The following RANBP2 variants were observed in gnomAD, a reference collection of about 807,000 sequenced individuals.
The protein encoded by RANBP2 is E3 SUMO-protein ligase RanBP2.
A neutral mutation model predicts 303.6 loss-of-function variants in RANBP2; 57 were observed. The observed-to-expected ratio is 0.19, with a 90% CI of 0.15 to 0.23. The LOEUF is 0.23. Among genes scored for constraint, RANBP2 ranks in the 10% least tolerant of loss-of-function variants. RANBP2 has a pLI of 1.00. For synonymous variants in RANBP2, 1,167 were observed against 1,301.5 expected (o/e 0.90, Z 2.23); for missense variants, 3,138 against 3,780.8 (o/e 0.83, Z 4.46).
At chr2:109,287,662 C>G in the RANBP2 span, among the ~76,000 whole-genome samples, 1 of 152,118 alleles carries the variant, frequency 6.6e-6, no homozygotes, top group Admixed American at 6.5e-5. Flanking sequence ...TCAGGGTGTT[C>G]CCCTTCTGGG....
At chr2:109,410,153 C>T in the RANBP2 span, among the ~76,000 whole-genome samples, 1 of 152,186 alleles carries the variant, frequency 6.6e-6, no homozygotes, top group Non-Finnish European at 1.5e-5. Context: ...TACAACCTGG[C>T]GGTTTAGAAT....
the RANBP2 span, among the ~76,000 whole-genome samples, chr2:109,454,842 T>C: frequency 1.2e-4 from 19 of 152,028 alleles, no homozygotes; most frequent in East Asian, 3.8e-4. Context: ...CTGGTGATGA[T>C]TGTAGACTAA....
the RANBP2 span, among the ~76,000 whole-genome samples, chr2:109,365,070 A>G: frequency 0.029 from 4,391 of 152,124 alleles, 158 homozygotes; most frequent in African/African-American, 0.089. Flanking sequence ...AAACAAACAA[A>G]CAAACAAAAC....
At chr2:109,555,166 TCAC>T in the RANBP2 span, among the ~76,000 whole-genome samples, 1 of 152,218 alleles carries the variant, frequency 6.6e-6, no homozygotes, top group African/African-American at 2.4e-5. Flanking sequence ...TTATCTTTTC[TCAC>T]CACATTAAAG....
the RANBP2 span, among the ~76,000 whole-genome samples, chr2:109,526,400 G>A: frequency 6.6e-6 from 1 of 152,122 alleles, no homozygotes; most frequent in Admixed American, 6.6e-5. Context: ...CTCCACCTCT[G>A]GGGTTCAAGC....
the RANBP2 span, among the ~76,000 whole-genome samples, chr2:108,898,553 C>T: frequency 2.6e-5 from 4 of 152,114 alleles, no homozygotes; most frequent in African/African-American, 9.7e-5. Context: ...TGAATTCACT[C>T]ATCATACCAA....
chr2:109,147,497 A>G, the RANBP2 span, among the ~76,000 whole-genome samples: 2 of 152,200 alleles, frequency 1.3e-5, no homozygotes, highest in Non-Finnish European at 2.9e-5. Flanking sequence ...AACAGATCTG[A>G]TAAGAAGCCC....
chr2:109,677,920 A>G, the RANBP2 span, among the ~76,000 whole-genome samples: 38 of 152,346 alleles, frequency 2.5e-4, no homozygotes, highest in African/African-American at 8.2e-4. Context: ...GTTCCTGGTA[A>G]GGGGATTTGT....
the RANBP2 span, among the ~76,000 whole-genome samples, chr2:108,874,065 A>T: frequency 6.6e-6 from 1 of 152,210 alleles, no homozygotes; most frequent in East Asian, 1.9e-4. Context: ...AATGAACTTT[A>T]AATGCTTCAT....
At chr2:108,815,802 T>G in the RANBP2 span, 1 of 700,510 alleles carries the variant, frequency 1.4e-6, no homozygotes, top group East Asian at 3.0e-5. Flanking sequence ...TTTTGTTTGT[T>G]TGGAGAAGCT....
the RANBP2 span, among the ~76,000 whole-genome samples, chr2:109,186,405 G>A: frequency 6.6e-6 from 1 of 152,244 alleles, no homozygotes; most frequent in Non-Finnish European, 1.5e-5. Context: ...GCGGAGCCTC[G>A]ATACGAACCT....
the RANBP2 span, among the ~76,000 whole-genome samples, chr2:109,253,020 C>CT: frequency 2.0e-5 from 3 of 151,344 alleles, no homozygotes; most frequent in East Asian, 1.9e-4. Flanking sequence ...GTAGCCTTTA[C>CT]TTTTTTTTTC....
At chr2:109,416,398 T>C in the RANBP2 span, among the ~76,000 whole-genome samples, 1 of 151,858 alleles carries the variant, frequency 6.6e-6, no homozygotes, top group Non-Finnish European at 1.5e-5. Flanking sequence ...AGTTCAAGAC[T>C]AGCCTGGCCA....
the RANBP2 span, among the ~76,000 whole-genome samples, chr2:108,984,383 C>T: frequency 6.6e-6 from 1 of 152,192 alleles, no homozygotes; most frequent in Non-Finnish European, 1.5e-5. Flanking sequence ...TCCGCCCTGA[C>T]TTGACTTCTG....
the RANBP2 span, among the ~76,000 whole-genome samples, chr2:108,794,936 G>A: frequency 2.0e-5 from 3 of 152,212 alleles, no homozygotes; most frequent in Non-Finnish European, 4.4e-5. Flanking sequence ...TTATTTGTAG[G>A]TGTGTGTTTC....
chr2:109,318,333 G>A, the RANBP2 span, among the ~76,000 whole-genome samples: 4 of 152,038 alleles, frequency 2.6e-5, no homozygotes, highest in Non-Finnish European at 5.9e-5. Context: ...CCGGCCCCCA[G>A]CCCGGTCCCC....
At chr2:109,399,646 TA>T in the RANBP2 span, among the ~76,000 whole-genome samples, 1 of 152,184 alleles carries the variant, frequency 6.6e-6, no homozygotes, top group Non-Finnish European at 1.5e-5. Flanking sequence ...ATAAAATGAT[TA>T]AAAAAATTTT....
chr2:108,979,561 C>T, the RANBP2 span, among the ~76,000 whole-genome samples: 1 of 151,974 alleles, frequency 6.6e-6, no homozygotes, highest in Non-Finnish European at 1.5e-5. Flanking sequence ...AAGCTAGGGG[C>T]ATGTCAGGTG....
chr2:109,718,626 T>G, the RANBP2 span, among the ~76,000 whole-genome samples: 1 of 152,166 alleles, frequency 6.6e-6, no homozygotes, highest in Non-Finnish European at 1.5e-5. Flanking sequence ...TTTGAAGTGG[T>G]GAAACCATTC....
Sources: gnomAD v4.1 joint callset for allele counts (sites outside exome capture counted in the v4.1 genomes callset) on GRCh38, gnomAD v4.1.1 for gene constraint, MANE v1.5 for transcripts, NCBI Gene and HGNC (gene_info 2026-07-23, HGNC 2026-07-21) for gene names.